AGBL4: variants seen among roughly 807,000 people sequenced by gnomAD.
AGBL4 encodes the protein AGBL carboxypeptidase 4.
Under a neutral mutation model 66.4 loss-of-function variants are expected in AGBL4, and 58 were observed. The observed-to-expected ratio is 0.87, with a 90% CI of 0.71 to 1.09. The LOEUF (loss-of-function observed/expected upper bound fraction) is 1.09, where lower values mean the gene tolerates loss of function less well. AGBL4 is among the 50% of genes least tolerant of loss of function. AGBL4 has a pLI of 0.00. For synonymous variants in AGBL4, 234 were observed against 222.9 expected (o/e 1.05, Z -0.44); for missense variants, 579 against 631.0 (o/e 0.92, Z 0.88).
chr1:48,908,360 C>A (rs760593875), intron 5 of AGBL4, among the ~76,000 whole-genome samples: 1 of 152,160 alleles, frequency 6.6e-6, no homozygotes, highest in East Asian at 1.9e-4. Context: ...AATACAGCAT[C>A]TTTTCTTCTT....
At chr1:49,629,578 T>C (rs1645530366) in intron 3 of AGBL4, among the ~76,000 whole-genome samples, 1 of 152,186 alleles carries the variant, frequency 6.6e-6, no homozygotes, top group South Asian at 2.1e-4. Context: ...CCATTTATTA[T>C]TGGCCCCCAG....
At chr1:48,900,466 T>A (rs1439018144) in intron 5 of AGBL4, among the ~76,000 whole-genome samples, 2 of 152,214 alleles carry the variant, frequency 1.3e-5, no homozygotes, top group Non-Finnish European at 2.9e-5. Flanking sequence ...GTTGATGTAC[T>A]GACACTACCT....
At chr1:49,636,228 G>A (rs544648236) in intron 3 of AGBL4, among the ~76,000 whole-genome samples, 1 of 152,322 alleles carries the variant, frequency 6.6e-6, no homozygotes, top group Admixed American at 6.5e-5. Flanking sequence ...CTGGGCATTG[G>A]TAAGTCCAAG....
At chr1:49,800,351 A>T (rs1180499745) in intron 2 of AGBL4, among the ~76,000 whole-genome samples, 23 of 134,602 alleles carry the variant, frequency 1.7e-4, no homozygotes, top group African/African-American at 6.1e-4. Flanking sequence ...TTTATTTATT[A>T]TTTTTTTTCT....
intron 6 of AGBL4, among the ~76,000 whole-genome samples, chr1:48,769,414 G>T (rs11205537): frequency 0.082 from 12,457 of 152,024 alleles, 629 homozygotes; most frequent in East Asian, 0.17. Flanking sequence ...CCTCACCAGG[G>T]CTGCTGCCAA....
chr1:50,023,679 G>C (rs1273166044), intron 1 of AGBL4, 84 bp downstream of exon 1: 4 of 1,468,612 alleles, frequency 2.7e-6, no homozygotes, highest in Middle Eastern at 1.8e-4. Flanking sequence ...CTCAGGAGTA[G>C]GACCATGCCC....
At chr1:49,391,261 T>A (rs780859684) in intron 3 of AGBL4, among the ~76,000 whole-genome samples, 1 of 152,194 alleles carries the variant, frequency 6.6e-6, no homozygotes. Flanking sequence ...CTAGACTTTA[T>A]CCTGAGGTTA....
chr1:48,751,873 A>T (rs551057271), intron 6 of AGBL4, among the ~76,000 whole-genome samples: 1 of 152,286 alleles, frequency 6.6e-6, no homozygotes, highest in African/African-American at 2.4e-5. Context: ...GAGGGTCCTG[A>T]ATTGTTCGGC....
intron 2 of AGBL4, among the ~76,000 whole-genome samples, chr1:49,824,625 T>C (rs746919626): frequency 3.9e-5 from 6 of 152,202 alleles, no homozygotes; most frequent in Non-Finnish European, 7.3e-5. Flanking sequence ...GACAACTAAG[T>C]TATCTTGAAG....
intron 2 of AGBL4, among the ~76,000 whole-genome samples, chr1:49,725,567 C>T (rs1306431601): frequency 1.3e-5 from 2 of 151,884 alleles, no homozygotes; most frequent in Non-Finnish European, 2.9e-5. Context: ...TTCAACATGT[C>T]TCTCATATAC....
intron 3 of AGBL4, among the ~76,000 whole-genome samples, chr1:49,321,506 G>A (rs1395300710): frequency 6.6e-6 from 1 of 152,126 alleles, no homozygotes; most frequent in Non-Finnish European, 1.5e-5. Flanking sequence ...ATCCAGTTTG[G>A]AAACTATATG....
Position 49,105,314 on chromosome 1 carries a change from A to G in AGBL4, c.378-59514T>C, listed in dbSNP as rs377739402. On this transcript the variant is annotated intron_variant, in intron 4 of 13. Transcript: ENST00000371839. Reference sequence around the variant, plus strand: ...ACAATGTTTGCGAACAGCAAGAAACAACAGGACACAGGGATTATTTAAGAG... The same window carrying G: ...ACAATGTTTGCGAACAGCAAGAAACGACAGGACACAGGGATTATTTAAGAG... 3.3e-5 allele frequency among the ~76,000 whole-genome samples: 5 copies of G among 152,190 alleles called. No individual in the cohort carries two copies. In the South Asian group the frequency reaches 8.3e-4, roughly 25 times the overall value.
chr1:48,719,909 A>G (rs966469531), intron 6 of AGBL4, among the ~76,000 whole-genome samples: 4 of 152,128 alleles, frequency 2.6e-5, no homozygotes, highest in African/African-American at 7.2e-5. Flanking sequence ...CTCAAACTTA[A>G]CTATGGCCAA....
intron 3 of AGBL4, chr1:49,691,255 T>A (rs1401691957): frequency 4.6e-5 from 7 of 152,314 alleles, no homozygotes. Context: ...TGGGCAGATG[T>A]CCAGTCTCAG....
chr1:49,757,099 A>G (rs1171044035), intron 2 of AGBL4, among the ~76,000 whole-genome samples: 6 of 152,122 alleles, frequency 3.9e-5, no homozygotes, highest in African/African-American at 1.4e-4. Flanking sequence ...TGTTCTCATG[A>G]TAGTGAGTGA....
chr1:48,763,518 AAGAG>A (rs1028055249), intron 6 of AGBL4, among the ~76,000 whole-genome samples: 1 of 151,992 alleles, frequency 6.6e-6, no homozygotes, highest in Admixed American at 6.6e-5. Context: ...AAAAGAGAGA[AAGAG>A]AGAGAGACGA....
chr1:48,899,794 C>G (rs1651904976), intron 5 of AGBL4, among the ~76,000 whole-genome samples: 1 of 152,112 alleles, frequency 6.6e-6, no homozygotes, highest in Non-Finnish European at 1.5e-5. Context: ...AGGTGGAATA[C>G]AAAGTTAAGA....
At chr1:49,764,490 T>C (rs1652589376) in intron 2 of AGBL4, among the ~76,000 whole-genome samples, 1 of 152,106 alleles carries the variant, frequency 6.6e-6, no homozygotes, top group Admixed American at 6.5e-5. Context: ...ACCCTCCTGA[T>C]CACAGCCAGC....
intron 2 of AGBL4, among the ~76,000 whole-genome samples, chr1:49,726,190 T>C (rs1267038022): frequency 6.6e-6 from 1 of 152,262 alleles, no homozygotes; most frequent in South Asian, 2.1e-4. Flanking sequence ...TCAGAGAAGA[T>C]AGAATTCTAG....
Sources: gnomAD v4.1 joint callset for allele counts (sites outside exome capture counted in the v4.1 genomes callset) on GRCh38, gnomAD v4.1.1 for gene constraint, MANE v1.5 for transcripts, NCBI Gene and HGNC (gene_info 2026-07-23, HGNC 2026-07-21) for gene names.